MED12L: variants seen among roughly 807,000 people sequenced by gnomAD.
MED12L encodes mediator complex subunit 12L, also known as mediator of RNA polymerase II transcription subunit 12-like protein.
In MED12L, 60 loss-of-function variants were observed where a neutral mutation model predicts 281.3. The observed-to-expected ratio is 0.21, with a 90% CI of 0.17 to 0.26. The LOEUF (loss-of-function observed/expected upper bound fraction) is 0.26. Ranked by LOEUF, MED12L falls within the 10% of genes least tolerant of loss-of-function variation. The pLI is 1.00. For synonymous variants in MED12L, 974 were observed against 987.2 expected, an observed-to-expected ratio of 0.99 and a Z score of 0.25; for missense variants, 2,146 against 2,680.9, an observed-to-expected ratio of 0.80 and a Z score of 4.41.
intron 39 of MED12L, among the ~76,000 whole-genome samples, 179 bp from the exon 40 acceptor site, chr3:151,409,064 G>T (rs1260945616): frequency 6.6e-6 from 1 of 152,174 alleles, no homozygotes; most frequent in Non-Finnish European, 1.5e-5. Flanking sequence ...GAAGGAATAA[G>T]TTCAACAGTC....
chr3:151,426,543 TAAG>T (rs1245406695), intron 43 of MED12L, among the ~76,000 whole-genome samples: 1 of 152,182 alleles, frequency 6.6e-6, no homozygotes, highest in East Asian at 1.9e-4. Flanking sequence ...TAAAACACTG[TAAG>T]AAGATTGTAG....
chr3:151,384,356 C>A, intron 35 of MED12L, 138 bp downstream of exon 35: 1 of 884,128 alleles, frequency 1.1e-6, no homozygotes, highest in Non-Finnish European at 1.6e-6. Context: ...ATTTGTTTCA[C>A]CTAACCTTAT....
At chr3:151,429,298 C>T (rs781152778) in intron 43 of MED12L, among the ~76,000 whole-genome samples, 1 of 152,310 alleles carries the variant, frequency 6.6e-6, no homozygotes, top group African/African-American at 2.4e-5. Context: ...ACCTAGAAGT[C>T]GGAGGGCAGA....
intron 16 of MED12L, among the ~76,000 whole-genome samples, chr3:151,231,134 A>G (rs1457641230): frequency 2.0e-5 from 3 of 152,230 alleles, no homozygotes; most frequent in Admixed American, 6.5e-5. Context: ...TTATGGTGAT[A>G]TTAAAAGTAC....
chr3:151,145,320 G>T (rs1258840012), intron 5 of MED12L, among the ~76,000 whole-genome samples: 2 of 152,172 alleles, frequency 1.3e-5, no homozygotes, highest in Non-Finnish European at 2.9e-5. Context: ...TGATAAACTG[G>T]TCTGTCCCCA....
intron 16 of MED12L, among the ~76,000 whole-genome samples, chr3:151,243,095 T>C (rs1302030233): frequency 2.6e-5 from 4 of 151,304 alleles, no homozygotes; most frequent in African/African-American, 9.7e-5. Context: ...GAGCAAAGCC[T>C]CCAAGAAATA....
At position 151,319,456 on chromosome 3, in the gene MED12L, TGTGTGTGTGTGC is replaced by T. The variant is rs1436351024; in HGVS notation, c.2251-30591_2251-30580del. Reference sequence around the variant, plus strand: ...TTTAAATACAGAACATCCAGGTGTGTGTGTGTGTGTGCGTGTGTGTGTGTGTGTGTGTGTGTG... The same window carrying T: ...TTTAAATACAGAACATCCAGGTGTGTGTGTGTGTGTGTGTGTGTGTGTGTG... On this transcript the variant is annotated intron_variant, in intron 16 of 44. Coordinates refer to ENST00000687756, the MANE Select transcript of MED12L (RefSeq NM_001393769.1). 4.7e-3 allele frequency among the ~76,000 whole-genome samples: 520 copies of T among 111,468 alleles called. 3 individuals carry two copies. The highest frequency in any genetic ancestry group is 0.018 in the African/African-American group (504 of 28,468). The allele number at this position is 111,468 out of a possible 152,430, so 73.1% of individuals were successfully genotyped here.
intron 16 of MED12L, among the ~76,000 whole-genome samples, chr3:151,236,992 A>G (rs1732949019): frequency 2.0e-5 from 3 of 151,952 alleles, no homozygotes; most frequent in African/African-American, 7.3e-5. Context: ...CTAGGAGTTA[A>G]ATTGCTGAGT....
intron 16 of MED12L, among the ~76,000 whole-genome samples, chr3:151,346,278 A>G (rs1752526212): frequency 6.6e-6 from 1 of 152,042 alleles, no homozygotes; most frequent in Non-Finnish European, 1.5e-5. Flanking sequence ...ATCATCAGTT[A>G]TCTGTTCCCC....
intron 16 of MED12L, chr3:151,219,507 A>C (rs1344083899): frequency 6.6e-6 from 1 of 152,216 alleles, no homozygotes; most frequent in Non-Finnish European, 1.5e-5. Context: ...AAAGCTCTTG[A>C]TAATACTTGA....
chr3:151,170,337 G>A (rs377197331), intron 11 of MED12L, among the ~76,000 whole-genome samples: 4 of 149,396 alleles, frequency 2.7e-5, no homozygotes, highest in South Asian at 2.1e-4. Context: ...GTGCAGTGGC[G>A]TGATCTTGGC....
intron 39 of MED12L, among the ~76,000 whole-genome samples, chr3:151,397,195 C>T (rs1347369273): frequency 6.6e-6 from 1 of 152,182 alleles, no homozygotes; most frequent in Non-Finnish European, 1.5e-5. Context: ...CACTTCATAA[C>T]AGTGATTGTA....
chr3:151,107,158 GTTATAC>G (rs1722179001), intron 2 of MED12L, among the ~76,000 whole-genome samples: 2 of 148,728 alleles, frequency 1.3e-5, no homozygotes, highest in South Asian at 2.1e-4. Flanking sequence ...TTGCATTTTA[GTTATAC>G]TTATTTGTGT....
chr3:151,239,554 T>G (rs947564494), intron 16 of MED12L, among the ~76,000 whole-genome samples: 4 of 152,238 alleles, frequency 2.6e-5, no homozygotes, highest in Admixed American at 2.0e-4. Context: ...TGAAAATATT[T>G]TTCATAAAAA....
intron 16 of MED12L, among the ~76,000 whole-genome samples, chr3:151,343,742 T>G (rs1752177669): frequency 8.0e-6 from 1 of 125,768 alleles, no homozygotes. Context: ...ATTTTTACTT[T>G]TAAGTGGCTT....
rs537272398 is a variant in MED12L, at chr3:151,230,004, C to T, written c.2250+36338C>T. Among the ~76,000 whole-genome samples the T allele has an allele frequency of 3.3e-5, 5 of 151,608 alleles. No individual in the cohort carries two copies. The East Asian group carries it at 7.8e-4, about 24-fold the overall frequency. On this transcript the variant is annotated intron_variant, in intron 16 of 44. Transcript: ENST00000687756. ...TTTGTTTTGGATATGGAGTCTCGCTCTGTTGCCCAGGCTGGAGTGCAGTGG... is the reference window on the plus strand; with the variant it reads ...TTTGTTTTGGATATGGAGTCTCGCTTTGTTGCCCAGGCTGGAGTGCAGTGG...
intron 16 of MED12L, among the ~76,000 whole-genome samples, chr3:151,260,302 A>G (rs1321017359): frequency 2.6e-5 from 4 of 152,038 alleles, no homozygotes; most frequent in Non-Finnish European, 5.9e-5. Context: ...TTAACCTCTC[A>G]TTTCCTTCTT....
rs759973216 is a variant in MED12L at position 151,192,684 on chromosome 3, A to G, written c.2073+30A>G. ...GTTCAATCTTTGATTCTTATTGACA[A>G]TTAAGAATTAACCCGTTCCCATCCC... On this transcript the variant is annotated intron_variant, in intron 15 of 44. Transcript: ENST00000687756. 3.1e-5 allele frequency: 42 copies of G among 1,354,582 alleles called. No individual in the cohort carries two copies. The South Asian group carries it at 4.2e-4, about 14-fold the overall frequency. The allele number at this position is 1,354,582 out of a possible 1,614,324, so 83.9% of individuals were successfully genotyped here.
chr3:151,166,523 G>A (rs1050123157), intron 11 of MED12L, among the ~76,000 whole-genome samples: 1 of 151,848 alleles, frequency 6.6e-6, no homozygotes, highest in Non-Finnish European at 1.5e-5. Flanking sequence ...AAAAGAGAGG[G>A]GTATTTATTT....
Sources: allele counts gnomAD v4.1 joint callset (sites outside exome capture counted in the v4.1 genomes callset), GRCh38; gene constraint gnomAD v4.1.1; transcripts MANE v1.5; gene names NCBI Gene and HGNC (gene_info 2026-07-23, HGNC 2026-07-21).